The following CDH13 variants were observed in gnomAD, a reference collection of about 807,000 sequenced individuals.
CDH13 encodes the protein cadherin-13.
Under a neutral mutation model 63.8 loss-of-function variants are expected in CDH13, and 24 were observed. The observed-to-expected ratio is 0.38, with a 90% confidence interval of 0.27 to 0.53. The LOEUF is 0.53. Among genes scored for constraint, CDH13 ranks in the 20% least tolerant of loss-of-function variants. The pLI is 0.85. For synonymous variants in CDH13, 503 were observed against 355.3 expected (o/e 1.42, Z -4.67); for missense variants, 1,049 against 903.1 (o/e 1.16, Z -2.07).
intron 10 of CDH13, among the ~76,000 whole-genome samples, chr16:83,678,682 G>C (rs1055105297): frequency 3.3e-5 from 5 of 152,174 alleles, no homozygotes; most frequent in Non-Finnish European, 7.3e-5. Context: ...TCCAGCCTGG[G>C]AGAAGAGTAG....
intron 5 of CDH13, among the ~76,000 whole-genome samples, chr16:83,233,566 C>T (rs1440447818): frequency 1.3e-5 from 2 of 152,162 alleles, no homozygotes; most frequent in East Asian, 3.9e-4. Flanking sequence ...TGGAAGGGAG[C>T]ATCATTCTCC....
rs144229664 is a variant in CDH13 at position 82,960,643 on chromosome 16, T to C, written c.158-71367T>C. Reference sequence around the variant, plus strand: ...ATAGCACCTTCAGTTTCCATTTCGGTATAGCAGGTACGGTAACCACAAGAA... The same window carrying C: ...ATAGCACCTTCAGTTTCCATTTCGGCATAGCAGGTACGGTAACCACAAGAA... On this transcript the variant is annotated intron_variant, in intron 2 of 13. Coordinates refer to ENST00000567109, the MANE Select transcript of CDH13 (RefSeq NM_001257.5). Among the ~76,000 whole-genome samples the C allele has an allele frequency of 4.5e-3, 690 of 152,248 alleles. 1 individual carries two copies. The highest frequency in any genetic ancestry group is 7.7e-3 in the Non-Finnish European group (527 of 68,010).
At chr16:83,662,572 A>G (rs148338304) in intron 8 of CDH13, among the ~76,000 whole-genome samples, 2 of 152,212 alleles carry the variant, frequency 1.3e-5, no homozygotes, top group Non-Finnish European at 2.9e-5. Flanking sequence ...CACCAGGAGC[A>G]GGGAGTTGAG....
chr16:82,677,056 G>A (rs1406530628), intron 1 of CDH13, among the ~76,000 whole-genome samples: 1 of 152,086 alleles, frequency 6.6e-6, no homozygotes, highest in African/African-American at 2.4e-5. Flanking sequence ...GCTAATTTTT[G>A]TATTTTTAGT....
intron 2 of CDH13, among the ~76,000 whole-genome samples, chr16:82,938,636 G>T (rs2042740792): frequency 6.6e-6 from 1 of 152,194 alleles, no homozygotes; most frequent in Non-Finnish European, 1.5e-5. Flanking sequence ...CTTAATTGCA[G>T]TCCTCGAGAA....
intron 2 of CDH13, among the ~76,000 whole-genome samples, chr16:82,959,485 C>A (rs767600857): frequency 4.6e-5 from 7 of 152,186 alleles, no homozygotes; most frequent in Non-Finnish European, 8.8e-5. Context: ...ACTTTCTTCC[C>A]TCTCCCAGTT....
At chr16:83,030,792 C>T (rs536694855) in intron 2 of CDH13, among the ~76,000 whole-genome samples, 3 of 152,004 alleles carry the variant, frequency 2.0e-5, no homozygotes, top group African/African-American at 7.2e-5. Context: ...AGCACCATAA[C>T]TTACTGGCTT....
chr16:83,511,063 C>G (rs2074545548), intron 7 of CDH13, among the ~76,000 whole-genome samples: 1 of 83,416 alleles, frequency 1.2e-5, no homozygotes. Flanking sequence ...CACACACAGA[C>G]ACGCACACAC....
At chr16:83,608,723 G>C (rs1567802395) in intron 8 of CDH13, among the ~76,000 whole-genome samples, 4 of 150,424 alleles carry the variant, frequency 2.7e-5, no homozygotes, top group Non-Finnish European at 3.0e-5. Flanking sequence ...CCTCGGGCTG[G>C]TCTTGAACTA....
At chr16:82,850,768 C>T (rs1335531834) in intron 1 of CDH13, among the ~76,000 whole-genome samples, 2 of 152,158 alleles carry the variant, frequency 1.3e-5, no homozygotes, top group African/African-American at 2.4e-5. Context: ...ACTCAGCAGC[C>T]ACCAAAATGG....
chr16:83,265,727 C>CTTTTTTTTTTTT lies in CDH13; in HGVS notation c.636+48245_636+48256dup, dbSNP rs71272416. Among the ~76,000 whole-genome samples, 18 of 42,570 alleles carry CTTTTTTTTTTTT rather than the reference C, an allele frequency of 4.2e-4. 3 individuals are homozygous for CTTTTTTTTTTTT. Among genetic ancestry groups the CTTTTTTTTTTTT allele is most frequent in the East Asian group, 1.0e-3 (2 of 1,976 alleles). 27.9% of individuals were successfully genotyped at this position (42,570 alleles called of 152,430 possible). A position where few individuals can be genotyped will look rare whatever the true frequency, so the allele number is the denominator to read the frequency against. On this transcript the variant is annotated intron_variant, in intron 5 of 13. Coordinates refer to ENST00000567109, the MANE Select transcript of CDH13 (RefSeq NM_001257.5). ...GTTTTCTGTTGCTTCTAAATTTCTG[C>CTTTTTTTTTTTT]TTTTTTTTTTTTTTTTTTTTTTTTT...
At chr16:83,016,040 C>G (rs980388178) in intron 2 of CDH13, among the ~76,000 whole-genome samples, 1 of 151,892 alleles carries the variant, frequency 6.6e-6, no homozygotes, top group East Asian at 1.9e-4. Flanking sequence ...AATGAGATAC[C>G]TTTAACAAGT....
At chr16:82,850,683 T>C (rs1047673669) in intron 1 of CDH13, among the ~76,000 whole-genome samples, 3 of 152,160 alleles carry the variant, frequency 2.0e-5, no homozygotes, top group Non-Finnish European at 2.9e-5. Flanking sequence ...AGTCGATAGA[T>C]TGGCAAACCT....
At chr16:82,783,801 G>A (rs925785278) in intron 1 of CDH13, among the ~76,000 whole-genome samples, 1 of 148,434 alleles carries the variant, frequency 6.7e-6, no homozygotes, top group Non-Finnish European at 1.5e-5. Flanking sequence ...AGAAAGAACA[G>A]AGGCAGCGGC....
intron 4 of CDH13, among the ~76,000 whole-genome samples, chr16:83,125,877 A>G (rs903118737): frequency 6.6e-6 from 1 of 152,188 alleles, no homozygotes; most frequent in African/African-American, 2.4e-5. Flanking sequence ...TGTTTTTCAA[A>G]TATTTAGGTC....
chr16:83,436,254 C>T (rs2072299399), intron 6 of CDH13, among the ~76,000 whole-genome samples: 1 of 152,178 alleles, frequency 6.6e-6, no homozygotes, highest in Admixed American at 6.5e-5. Context: ...TTGGTTGTTT[C>T]ATTCTGGGGC....
intron 3 of CDH13, among the ~76,000 whole-genome samples, chr16:83,042,501 A>G (rs1290556880): frequency 6.6e-6 from 1 of 152,178 alleles, no homozygotes; most frequent in East Asian, 1.9e-4. Flanking sequence ...TGGATTCTAC[A>G]TTATGGTGCG....
intron 3 of CDH13, among the ~76,000 whole-genome samples, chr16:83,048,654 C>T (rs1439505047): frequency 6.6e-6 from 1 of 152,126 alleles, no homozygotes; most frequent in Non-Finnish European, 1.5e-5. Flanking sequence ...TAACTCCTTT[C>T]CTCCCTCTCA....
chr16:83,084,536 T>C (rs1350271706), intron 3 of CDH13, among the ~76,000 whole-genome samples: 1 of 152,206 alleles, frequency 6.6e-6, no homozygotes, highest in African/African-American at 2.4e-5. Context: ...TTCTCAATCA[T>C]GGAGAGCATG....
Sources: allele counts gnomAD v4.1 joint callset (sites outside exome capture counted in the v4.1 genomes callset), GRCh38; gene constraint gnomAD v4.1.1; transcripts MANE v1.5; gene names NCBI Gene and HGNC (gene_info 2026-07-23, HGNC 2026-07-21).